The following SAP130 variants were observed in gnomAD, a reference collection of about 807,000 sequenced individuals.
SAP130 encodes histone deacetylase complex subunit SAP130.
SAP130 carries 16 observed loss-of-function variants against 103.2 expected under a neutral mutation model. The ratio of observed to expected loss-of-function variants is 0.16; its 90% confidence interval spans 0.10 to 0.24. The LOEUF (loss-of-function observed/expected upper bound fraction) is 0.24. Ranked by LOEUF, SAP130 falls within the 10% of genes least tolerant of loss-of-function variation. The probability of loss-of-function intolerance (pLI) is 1.00; values close to 1 mark genes in which losing one functional copy is unlikely to be tolerated. For missense variants in SAP130, 990 were observed against 1,359.7 expected (o/e 0.73, Z 4.28); for synonymous variants, 477 against 497.0 (o/e 0.96, Z 0.53).
intron 10 of SAP130, among the ~76,000 whole-genome samples, chr2:127,997,406 A>G (rs1683248250): frequency 6.6e-6 from 1 of 152,230 alleles, no homozygotes; most frequent in South Asian, 2.1e-4. Flanking sequence ...CACATTAACA[A>G]AGAGACTAGA....
rs1184529671 is a variant in SAP130, at chr2:128,026,190, C to T, written c.103G>A (p.Ala35Thr). The T allele has an allele frequency of 2.5e-6, 4 of 1,609,808 alleles. No homozygotes were observed. The highest frequency in any genetic ancestry group is 3.4e-6 in the Non-Finnish European group (4 of 1,176,256). Residue 35 changes from alanine (A) to threonine (T), a missense_variant, in exon 2 of 21, where the codon GCT (alanine) becomes ACT (threonine). Around this residue, in one of 6 missense-constraint regions of SAP130, gnomAD observed 167 missense variants for 187.4 expected, o/e 0.89. Transcript: ENST00000643581. The stretch of plus-strand genomic sequence containing the variant: ...ATATTACATATCTCACCTGTAGCAG[C>T]TGGGTTTATCAATCCAGCAGAACCA... ...NSGSAGLINP[A>T]ATVNDESGRD...
intron 10 of SAP130, among the ~76,000 whole-genome samples, chr2:127,998,195 CATA>C (rs1471838097): frequency 6.6e-6 from 1 of 152,072 alleles, no homozygotes; most frequent in Non-Finnish European, 1.5e-5. Flanking sequence ...TTAAGTCTGC[CATA>C]ATGTTATCTC....
At chr2:128,024,935 G>C (rs925883647) in intron 2 of SAP130, among the ~76,000 whole-genome samples, 4 of 149,714 alleles carry the variant, frequency 2.7e-5, no homozygotes, top group Non-Finnish European at 5.9e-5. Flanking sequence ...CCAAAAGATC[G>C]AGGCTGCAGT....
At chr2:127,985,841 C>T (rs1049787043) in intron 14 of SAP130, among the ~76,000 whole-genome samples, 4 of 151,304 alleles carry the variant, frequency 2.6e-5, no homozygotes, top group Non-Finnish European at 5.9e-5. Context: ...AGTGGCTGGA[C>T]GTCAAGAGGA....
intron 11 of SAP130, among the ~76,000 whole-genome samples, chr2:127,993,815 G>A (rs1209803447): frequency 6.6e-6 from 1 of 152,118 alleles, no homozygotes; most frequent in Non-Finnish European, 1.5e-5. Context: ...TTATTCACCA[G>A]CACAATCATG....
intron 7 of SAP130, among the ~76,000 whole-genome samples, chr2:128,006,218 T>C (rs1683967221): frequency 6.6e-6 from 1 of 152,056 alleles, no homozygotes; most frequent in Non-Finnish European, 1.5e-5. Context: ...TAAGTATAAA[T>C]GGGAAATGAT....
At position 128,027,997 on chromosome 2, in the gene SAP130, C is replaced by T. The variant is rs1685644079; in HGVS notation, c.-64G>A. The T allele has an allele frequency of 1.0e-6, 1 of 985,746 alleles. No individual in the cohort carries two copies. The highest frequency in any genetic ancestry group is 1.2e-6 in the Non-Finnish European group (1 of 830,080). The allele number at this position is 985,746 out of a possible 1,614,324, so 61.1% of individuals were successfully genotyped here. A position where few individuals can be genotyped will look rare whatever the true frequency, so the allele number is the denominator to read the frequency against. On this transcript the variant is annotated 5_prime_UTR_variant, in exon 1 of 21. Coordinates refer to ENST00000643581, the MANE Select transcript of SAP130 (RefSeq NM_001330301.2). ...CTTGAGCTCGCTCCCGCGCGCTCTC[C>T]GTCTGTGGGGCCGACGTCCCCAGGC... is the stretch of plus-strand genomic sequence containing the variant.
intron 7 of SAP130, among the ~76,000 whole-genome samples, chr2:128,009,370 C>A (rs977610435): frequency 6.6e-6 from 1 of 152,130 alleles, no homozygotes; most frequent in Non-Finnish European, 1.5e-5. Flanking sequence ...ACTTGGGAGG[C>A]TGAGGCAAGA....
At chr2:127,980,969 C>A (rs937395282) in intron 14 of SAP130, among the ~76,000 whole-genome samples, 1 of 152,002 alleles carries the variant, frequency 6.6e-6, no homozygotes, top group Non-Finnish European at 1.5e-5. Context: ...GAAAGTCAGA[C>A]TCACACAAAA....
intron 10 of SAP130, among the ~76,000 whole-genome samples, chr2:127,998,415 T>C (rs1683321172): frequency 1.3e-5 from 2 of 152,216 alleles, no homozygotes; most frequent in Non-Finnish European, 2.9e-5. Context: ...TTCGATTTAA[T>C]ATCACCTGGA....
chr2:127,957,150 T>A (rs778920406), intron 15 of SAP130, among the ~76,000 whole-genome samples: 5 of 151,924 alleles, frequency 3.3e-5, no homozygotes, highest in African/African-American at 7.3e-5. Flanking sequence ...AAATTTTTTT[T>A]AATTAGCCAG....
intron 16 of SAP130, among the ~76,000 whole-genome samples, chr2:127,951,002 A>G (rs1679460340): frequency 6.6e-6 from 1 of 152,224 alleles, no homozygotes; most frequent in South Asian, 2.1e-4. Flanking sequence ...TATTTTTCAC[A>G]CTTTTTAAAC....
chr2:127,984,305 C>T (rs1682210054), intron 14 of SAP130, among the ~76,000 whole-genome samples: 1 of 152,148 alleles, frequency 6.6e-6, no homozygotes, highest in African/African-American at 2.4e-5. Context: ...GTTTGCTTAT[C>T]CTTGCTCATT....
At position 127,942,622 on chromosome 2, in the gene SAP130, C is replaced by G; in HGVS notation, c.2902-85G>C. ...AGGCAAATGAACCCACCTTCAATCA[C>G]CTTTGTAAACTGTCTAAGAGTTGTT... is the stretch of plus-strand genomic sequence containing the variant. On this transcript the variant is annotated intron_variant, in intron 19 of 20. Transcript: ENST00000643581. The surrounding 1 kb of genome is among the most constrained non-coding windows in gnomAD (Gnocchi z 4.8). 1.3e-6 allele frequency: 1 copy of G among 762,640 alleles called. No individual in the cohort carries two copies. The highest frequency in any genetic ancestry group is 1.5e-5 in the South Asian group (1 of 65,380). 47.2% of individuals were successfully genotyped at this position (762,640 alleles called of 1,614,324 possible). A position where few individuals can be genotyped will look rare whatever the true frequency, so the allele number is the denominator to read the frequency against.
At chr2:127,981,823 C>T (rs538074621) in intron 14 of SAP130, among the ~76,000 whole-genome samples, 6 of 149,218 alleles carry the variant, frequency 4.0e-5, no homozygotes, top group South Asian at 2.2e-4. Flanking sequence ...TCTCCCACCC[C>T]GACCCAGTCC....
intron 2 of SAP130, among the ~76,000 whole-genome samples, chr2:128,019,831 A>C (rs1000182219): frequency 6.6e-6 from 1 of 151,934 alleles, no homozygotes; most frequent in Admixed American, 6.6e-5. Flanking sequence ...AGGTTGGGAG[A>C]TCCTGCCACT....
intron 2 of SAP130, among the ~76,000 whole-genome samples, chr2:128,021,455 A>AC (rs1685153260): frequency 6.6e-6 from 1 of 151,864 alleles, no homozygotes; most frequent in Non-Finnish European, 1.5e-5. Context: ...TCAAAAAAAA[A>AC]AAAAAACAAA....
At chr2:127,950,616 C>T (rs1679432274) in intron 16 of SAP130, among the ~76,000 whole-genome samples, 1 of 152,228 alleles carries the variant, frequency 6.6e-6, no homozygotes, top group Non-Finnish European at 1.5e-5. Context: ...TTCCTTAGGT[C>T]CAGGACGTCC....
At chr2:128,021,862 T>C (rs546114278) in intron 2 of SAP130, among the ~76,000 whole-genome samples, 1 of 152,344 alleles carries the variant, frequency 6.6e-6, no homozygotes, top group African/African-American at 2.4e-5. Context: ...TGATGACTAG[T>C]AATGTTGAAC....
Sources: allele counts gnomAD v4.1 joint callset (sites outside exome capture counted in the v4.1 genomes callset), GRCh38; gene constraint gnomAD v4.1.1; regional missense constraint gnomAD v4.1.1; non-coding constraint Gnocchi (gnomAD v3.1); transcripts MANE v1.5; gene names NCBI Gene and HGNC (gene_info 2026-07-23, HGNC 2026-07-21).